FOXP1: variants seen among roughly 807,000 people sequenced by gnomAD.
The protein encoded by FOXP1 is forkhead box protein P1.
FOXP1 carries 15 observed loss-of-function variants against 98.2 expected under a neutral mutation model. The ratio of observed to expected loss-of-function variants is 0.15; its 90% CI spans 0.10 to 0.24. The LOEUF (loss-of-function observed/expected upper bound fraction) is 0.24. FOXP1 is among the 10% of genes least tolerant of loss of function. The pLI, the probability that FOXP1 is intolerant of heterozygous loss-of-function variation, is 1.00. For synonymous variants in FOXP1, 371 were observed against 314.5 expected, an observed-to-expected ratio of 1.18 and a Z score of -1.90; for missense variants, 633 against 848.5, an observed-to-expected ratio of 0.75 and a Z score of 3.15.
intron 7 of FOXP1, among the ~76,000 whole-genome samples, chr3:71,082,006 C>T (rs905792475): frequency 3.3e-5 from 5 of 151,948 alleles, no homozygotes; most frequent in South Asian, 2.1e-4. Flanking sequence ...GCGCTGGGCG[C>T]GGTGGCTCAC....
At chr3:70,986,111 A>T (rs1022735312) in intron 14 of FOXP1, among the ~76,000 whole-genome samples, 1 of 152,176 alleles carries the variant, frequency 6.6e-6, no homozygotes, top group African/African-American at 2.4e-5. Context: ...CTAGAAAGTA[A>T]AACATTTTTT....
At chr3:70,975,147 A>T (rs1429431104) in intron 17 of FOXP1, among the ~76,000 whole-genome samples, 1 of 152,240 alleles carries the variant, frequency 6.6e-6, no homozygotes, top group Non-Finnish European at 1.5e-5. Context: ...AAAACGAAAA[A>T]GTGCAATCTG....
intron 5 of FOXP1, among the ~76,000 whole-genome samples, chr3:71,232,585 C>T (rs13071298): frequency 0.27 from 41,089 of 151,362 alleles, 6,825 homozygotes; most frequent in Non-Finnish European, 0.36. Context: ...ATAGAAACTC[C>T]GACAAAAAAA....
At position 71,581,995 on chromosome 3, in the gene FOXP1, G is replaced by A. The variant is rs529589172; in HGVS notation, c.-446-298C>T. ...GAATAGGGAGAAGGGGGTGGGATGG[G>A]GATACGATCACGGGCGCAAGGTTTG... is the stretch of plus-strand genomic sequence containing the variant. On this transcript the variant is annotated intron_variant, in intron 1 of 20. Coordinates refer to ENST00000649528, the MANE Select transcript of FOXP1 (RefSeq NM_001349338.3). 1.1e-4 allele frequency: 102 copies of A among 960,994 alleles called. No homozygotes were observed. The South Asian group carries it at 3.5e-3, about 33-fold the overall frequency. 59.5% of individuals were successfully genotyped at this position (960,994 alleles called of 1,614,324 possible).
At chr3:71,249,979 G>C (rs2068054227) in intron 5 of FOXP1, among the ~76,000 whole-genome samples, 1 of 152,106 alleles carries the variant, frequency 6.6e-6, no homozygotes, top group Non-Finnish European at 1.5e-5. Context: ...ATTATATCCA[G>C]AACACATGTT....
chr3:71,551,128 T>C (rs1229549492), intron 2 of FOXP1, among the ~76,000 whole-genome samples: 1 of 152,174 alleles, frequency 6.6e-6, no homozygotes, highest in Non-Finnish European at 1.5e-5. Context: ...ATGGATAGCT[T>C]TAGTGTTGAG....
intron 3 of FOXP1, among the ~76,000 whole-genome samples, chr3:71,369,940 G>C (rs1336341650): frequency 1.3e-5 from 2 of 152,140 alleles, no homozygotes; most frequent in African/African-American, 4.8e-5. Context: ...AAAGCACATG[G>C]GAATGATTAA....
chr3:71,498,293 A>G (rs2091551098), intron 2 of FOXP1, among the ~76,000 whole-genome samples: 1 of 152,192 alleles, frequency 6.6e-6, no homozygotes, highest in Non-Finnish European at 1.5e-5. Context: ...TTTTTCCCTG[A>G]AGCAATCCCT....
At chr3:71,237,175 T>C (rs1330634824) in intron 5 of FOXP1, among the ~76,000 whole-genome samples, 1 of 114,930 alleles carries the variant, frequency 8.7e-6, no homozygotes, top group East Asian at 2.9e-4. Context: ...GAGGTTGCAA[T>C]GAACTGAGAT....
chr3:71,582,684 G>A (rs1299322335), intron 1 of FOXP1: 15 of 985,400 alleles, frequency 1.5e-5, no homozygotes, highest in Non-Finnish European at 1.6e-5. Flanking sequence ...CAGCGCATCC[G>A]GCTCCCGCAC....
At chr3:71,311,646 G>A (rs185866706) in intron 4 of FOXP1, among the ~76,000 whole-genome samples, 1 of 152,292 alleles carries the variant, frequency 6.6e-6, no homozygotes, top group South Asian at 2.1e-4. Context: ...TACATTGTCA[G>A]TATAGCTGGA....
intron 7 of FOXP1, among the ~76,000 whole-genome samples, chr3:71,062,814 C>A (rs2051726549): frequency 6.6e-6 from 1 of 152,174 alleles, no homozygotes; most frequent in African/African-American, 2.4e-5. Flanking sequence ...ATAAGTCGTT[C>A]TTAGGGTTAA....
chr3:70,957,943 C>T lies in FOXP1; in HGVS notation c.*1304G>A. On this transcript the variant is annotated 3_prime_UTR_variant, in exon 21 of 21. Coordinates refer to ENST00000649528, the MANE Select transcript of FOXP1 (RefSeq NM_001349338.3). The stretch of plus-strand genomic sequence containing the variant: ...TCTGAACTAATGTATAAACTCAGCG[C>T]CGCCGCCGCCACCCCTACTTTCAGG... 1 of 244,578 alleles carries T rather than the reference C, an allele frequency of 4.1e-6. No homozygotes were observed. The highest frequency in any genetic ancestry group is 8.0e-6 in the Non-Finnish European group (1 of 124,800). The allele number at this position is 244,578 out of a possible 1,614,324, so 15.2% of individuals were successfully genotyped here. A position where few individuals can be genotyped will look rare whatever the true frequency, so the allele number is the denominator to read the frequency against.
intron 7 of FOXP1, among the ~76,000 whole-genome samples, chr3:71,075,684 C>A (rs142033246): frequency 6.6e-6 from 1 of 151,324 alleles, no homozygotes; most frequent in African/African-American, 2.4e-5. Context: ...TTGCTAAACA[C>A]TGAGCTCTCA....
chr3:71,539,770 T>C (rs1196730471), intron 2 of FOXP1, among the ~76,000 whole-genome samples: 4 of 152,208 alleles, frequency 2.6e-5, no homozygotes, highest in Non-Finnish European at 4.4e-5. Context: ...TTAGCATAAA[T>C]TTTAAGTTGG....
intron 6 of FOXP1, among the ~76,000 whole-genome samples, chr3:71,161,872 T>C (rs528764978): frequency 2.0e-5 from 3 of 152,250 alleles, no homozygotes; most frequent in South Asian, 2.1e-4. Context: ...AACCACTACA[T>C]AGATAAAAAT....
At chr3:71,254,439 G>C (rs1411450151) in intron 5 of FOXP1, among the ~76,000 whole-genome samples, 3 of 152,164 alleles carry the variant, frequency 2.0e-5, no homozygotes, top group Non-Finnish European at 2.9e-5. Context: ...TTTCCTTATT[G>C]GTTGGCTGGC....
At chr3:71,443,967 T>G (rs906223638) in intron 3 of FOXP1, among the ~76,000 whole-genome samples, 1 of 152,158 alleles carries the variant, frequency 6.6e-6, no homozygotes, top group Non-Finnish European at 1.5e-5. Context: ...ACCAGCAGCT[T>G]GGCACTCAGC....
At chr3:71,115,737 CT>C (rs5849989) in intron 6 of FOXP1, among the ~76,000 whole-genome samples, 73,277 of 115,986 alleles carry the variant, frequency 0.63, 21,417 homozygotes, top group African/African-American at 0.67. Context: ...CAAAACTATT[CT>C]TTTTTTTTTT....
Sources: allele counts gnomAD v4.1 joint callset (sites outside exome capture counted in the v4.1 genomes callset), GRCh38; gene constraint gnomAD v4.1.1; transcripts MANE v1.5; gene names NCBI Gene and HGNC (gene_info 2026-07-23, HGNC 2026-07-21).